Variants in OTOGL observed in about 807,000 individuals in gnomAD.
OTOGL encodes otogelin-like protein.
A neutral mutation model predicts 318.5 loss-of-function variants in OTOGL; 285 were observed. The ratio of observed to expected loss-of-function variants is 0.89; its 90% CI spans 0.81 to 0.99. The LOEUF (loss-of-function observed/expected upper bound fraction) is 0.99. OTOGL is among the 50% of genes least tolerant of loss of function. The probability of loss-of-function intolerance (pLI) is 0.00; values close to 1 mark genes in which losing one functional copy is unlikely to be tolerated. For synonymous variants in OTOGL, 987 were observed against 936.5 expected (o/e 1.05, Z -0.99); for missense variants, 2,899 against 2,845.6 (o/e 1.02, Z -0.43).
chr12:80,336,750 A>G lies in OTOGL; in HGVS notation c.4744-47A>G, dbSNP rs747639331. ...GGCATATAAATCCGAATAATGTTTTAAAAAGTCAAATAATGCATTTAAAAG... is the reference window on the plus strand; with the variant it reads ...GGCATATAAATCCGAATAATGTTTTGAAAAGTCAAATAATGCATTTAAAAG... On this transcript the variant is annotated intron_variant, in intron 40 of 58. Coordinates refer to ENST00000547103, the MANE Select transcript of OTOGL (RefSeq NM_001378609.3). 5.4e-6 allele frequency: 8 copies of G among 1,474,556 alleles called. No individual in the cohort carries two copies. In the African/African-American group the frequency reaches 8.6e-5, roughly 16 times the overall value. The allele number at this position is 1,474,556 out of a possible 1,614,324, so 91.3% of individuals were successfully genotyped here. A position where few individuals can be genotyped will look rare whatever the true frequency, so the allele number is the denominator to read the frequency against.
At chr12:80,326,126 C>G (rs994943860) in intron 35 of OTOGL, among the ~76,000 whole-genome samples, 2 of 152,116 alleles carry the variant, frequency 1.3e-5, no homozygotes, top group Non-Finnish European at 2.9e-5. Context: ...TGAGGAAGGA[C>G]TCAAATACTG....
intron 26 of OTOGL, among the ~76,000 whole-genome samples, chr12:80,286,730 AT>A (rs58182357): frequency 7.3e-5 from 11 of 151,436 alleles, no homozygotes; most frequent in African/African-American, 2.4e-4. Context: ...CCCCTTTGTC[AT>A]TTTTTTTATT....
chr12:80,339,240 T>C lies in OTOGL; in HGVS notation c.5026T>C (p.Ser1676Pro). The C allele has an allele frequency of 6.2e-7, 1 of 1,606,024 alleles. No individual in the cohort carries two copies. The highest frequency in any genetic ancestry group is 1.3e-5 in the African/African-American group (1 of 74,710). Residue 1676 changes from serine (S) to proline (P), a missense_variant, in exon 43 of 59, where the codon TCA becomes CCA. Transcript: ENST00000547103. ...DIHFGFRFNL[S>P]SYTEGLCGIC... ...TCATTTTGGCTTCCGATTTAACTTG[T>C]CATCCTACACAGAAGGACTCTGTGG...
intron 25 of OTOGL, 47 bp from the exon 26 acceptor site, chr12:80,278,981 G>C: frequency 6.4e-7 from 1 of 1,571,254 alleles, no homozygotes. Context: ...GAAATCACTA[G>C]TTAGAGTCGT....
chr12:80,174,819 G>A (rs529375172), intron 1 of OTOGL, among the ~76,000 whole-genome samples: 66 of 152,214 alleles, frequency 4.3e-4, no homozygotes, highest in Admixed American at 1.6e-3. Flanking sequence ...AATATTCCTT[G>A]AAGGTGTGGC....
At chr12:80,189,401 T>G (rs1875521655) in intron 1 of OTOGL, 2 of 984,346 alleles carry the variant, frequency 2.0e-6, no homozygotes, top group Non-Finnish European at 2.4e-6. Context: ...TTTGACCAAT[T>G]GACCAAACAA....
At chr12:80,195,550 T>C (rs7974541) in intron 1 of OTOGL, among the ~76,000 whole-genome samples, 1,991 of 152,318 alleles carry the variant, frequency 0.013, 42 homozygotes, top group African/African-American at 0.044. Context: ...TATGATTTAA[T>C]TCAGCCTAAT....
rs1216860454 is a variant in OTOGL at position 80,194,277 on chromosome 12, C to T, written c.-19-15136C>T. Among the ~76,000 whole-genome samples, 4 of 152,172 alleles carry T rather than the reference C, an allele frequency of 2.6e-5. No homozygotes were observed. In the East Asian group the frequency reaches 7.7e-4, roughly 29 times the overall value. On this transcript the variant is annotated intron_variant, in intron 1 of 58. Coordinates refer to ENST00000547103, the MANE Select transcript of OTOGL (RefSeq NM_001378609.3). ...AATATTCATTTTACTAAGTATGATTCTTCAACCTTCCTGCTAGTTCTGTGG... is the reference window on the plus strand; with the variant it reads ...AATATTCATTTTACTAAGTATGATTTTTCAACCTTCCTGCTAGTTCTGTGG...
intron 52 of OTOGL, among the ~76,000 whole-genome samples, chr12:80,361,973 T>C (rs1025623805): frequency 1.3e-5 from 2 of 152,202 alleles, no homozygotes; most frequent in African/African-American, 4.8e-5. Flanking sequence ...GTGCAGAAGC[T>C]TATTAGCTTG....
chr12:80,233,368 G>A (rs1022000976), intron 9 of OTOGL, among the ~76,000 whole-genome samples: 44 of 152,116 alleles, frequency 2.9e-4, no homozygotes, highest in African/African-American at 9.9e-4. Flanking sequence ...CAGAAGGTCG[G>A]GATACCTCTG....
chr12:80,306,814 T>TATTA lies in OTOGL; in HGVS notation c.3333+1120_3333+1123dup, dbSNP rs1187602486. Among the ~76,000 whole-genome samples the TATTA allele has an allele frequency of 5.2e-4, 78 of 148,982 alleles. 1 individual carries two copies. Among genetic ancestry groups the TATTA allele is most frequent in the Admixed American group, 6.0e-4 (9 of 14,932 alleles). Reference sequence around the variant, plus strand: ...TTTATTTTATTATTATTATTATTATTATTATTTTTTAATTGATCATTCTTG... The same window carrying TATTA: ...TTTATTTTATTATTATTATTATTATTATTAATTATTTTTTAATTGATCATTCTTG... On this transcript the variant is annotated intron_variant, in intron 29 of 58. Transcript: ENST00000547103.
chr12:80,353,551 A>G (rs369327745), intron 46 of OTOGL, 41 bp downstream of exon 46: 70 of 1,311,288 alleles, frequency 5.3e-5, no homozygotes, highest in Non-Finnish European at 6.6e-5. Flanking sequence ...GGAATCCGGC[A>G]AACAAACAAA....
chr12:80,291,217 C>T (rs779512624), intron 26 of OTOGL, among the ~76,000 whole-genome samples: 6 of 152,078 alleles, frequency 3.9e-5, no homozygotes, highest in East Asian at 1.9e-4. Flanking sequence ...TAATAAAAGA[C>T]GTACCATAGT....
chr12:80,325,394 G>A (rs1474265729), intron 35 of OTOGL, among the ~76,000 whole-genome samples: 2 of 152,202 alleles, frequency 1.3e-5, no homozygotes, highest in Non-Finnish European at 2.9e-5. Flanking sequence ...ACACATTTAA[G>A]TATTTACAAT....
chr12:80,225,849 A>C (rs1239852586), intron 7 of OTOGL, among the ~76,000 whole-genome samples: 1 of 152,164 alleles, frequency 6.6e-6, no homozygotes, highest in East Asian at 1.9e-4. Context: ...ACATTATCAT[A>C]CAGATATCCT....
At position 80,251,719 on chromosome 12, in the gene OTOGL, G is replaced by T; in HGVS notation, c.1079G>T (p.Arg360Leu). Residue 360 changes from arginine to leucine, a missense_variant, in exon 12 of 59, where the codon CGA (arginine) becomes CTA (leucine). Physicochemically the swap from Arg to Leu is moderately radical, Grantham distance 102 (BLOSUM62 -2). Transcript: ENST00000547103. ...CKTDDDETYCRAATEYARACS... is the reference protein window; with the variant it reads ...CKTDDDETYCLAATEYARACS... ...ACTGATGATGATGAAACCTATTGCC[G>T]AGCAGCCACTGAGTATGCTAGAGCC... 4 of 1,592,082 alleles carry T rather than the reference G, an allele frequency of 2.5e-6. No homozygotes were observed. Among genetic ancestry groups the T allele is most frequent in the Non-Finnish European group, 3.4e-6 (4 of 1,168,432 alleles).
At chr12:80,107,633 T>C (rs1385353970) in intron 1 of OTOGL, among the ~76,000 whole-genome samples, 2 of 151,958 alleles carry the variant, frequency 1.3e-5, no homozygotes, top group Non-Finnish European at 2.9e-5. Context: ...CATTCTACCA[T>C]AAAGACACAT....
intron 1 of OTOGL, among the ~76,000 whole-genome samples, chr12:80,126,420 T>G (rs1870841741): frequency 6.6e-6 from 1 of 152,224 alleles, no homozygotes; most frequent in South Asian, 2.1e-4. Flanking sequence ...TGTTATAATC[T>G]CTCTTCTTTT....
intron 1 of OTOGL, among the ~76,000 whole-genome samples, chr12:80,193,077 C>G (rs1046146520): frequency 6.6e-6 from 1 of 152,104 alleles, no homozygotes; most frequent in Non-Finnish European, 1.5e-5. Flanking sequence ...ATTAGGCTCC[C>G]TAAGTCCCTT....
Sources: gnomAD v4.1 joint callset for allele counts (sites outside exome capture counted in the v4.1 genomes callset) on GRCh38, gnomAD v4.1.1 for gene constraint, MANE v1.5 for transcripts, NCBI Gene and HGNC (gene_info 2026-07-23, HGNC 2026-07-21) for gene names.